Variants in EIF4G3 observed in about 807,000 individuals in gnomAD.
The protein encoded by EIF4G3 is eIF-4-gamma 3.
In EIF4G3, 34 loss-of-function variants were observed where a neutral mutation model predicts 186.4. The observed-to-expected ratio is 0.18, with a 90% CI of 0.14 to 0.24. The LOEUF (loss-of-function observed/expected upper bound fraction) is 0.24, where lower values mean the gene tolerates loss of function less well. EIF4G3 is among the 10% of genes least tolerant of loss of function. The probability of loss-of-function intolerance (pLI) is 1.00; values close to 1 mark genes in which losing one functional copy is unlikely to be tolerated. For missense variants in EIF4G3, 1,536 were observed against 1,948.5 expected (o/e 0.79, Z 3.99); for synonymous variants, 673 against 679.5 (o/e 0.99, Z 0.15).
intron 14 of EIF4G3, among the ~76,000 whole-genome samples, chr1:20,939,236 T>C (rs780744838): frequency 1.3e-5 from 2 of 149,246 alleles, no homozygotes; most frequent in Non-Finnish European, 3.0e-5. Context: ...CTTAAACACA[T>C]AGGTTAAAAA....
At chr1:20,975,058 T>C (rs2076584424) in intron 10 of EIF4G3, among the ~76,000 whole-genome samples, 1 of 152,036 alleles carries the variant, frequency 6.6e-6, no homozygotes, top group African/African-American at 2.4e-5. Flanking sequence ...CAGAATTCTG[T>C]AGGTATCAAT....
intron 19 of EIF4G3, among the ~76,000 whole-genome samples, chr1:20,880,334 T>G (rs1314073529): frequency 6.6e-6 from 1 of 152,216 alleles, no homozygotes; most frequent in Non-Finnish European, 1.5e-5. Context: ...GTCTAGCAAT[T>G]GTAGGATACA....
chr1:20,811,445 T>C (rs991576452), intron 35 of EIF4G3, among the ~76,000 whole-genome samples: 1 of 152,152 alleles, frequency 6.6e-6, no homozygotes, highest in Non-Finnish European at 1.5e-5. Flanking sequence ...AAAGGACCCA[T>C]ATGGCTCTAC....
chr1:20,939,457 T>G (rs1306050424), intron 14 of EIF4G3, among the ~76,000 whole-genome samples: 2 of 152,216 alleles, frequency 1.3e-5, no homozygotes, highest in African/African-American at 2.4e-5. Flanking sequence ...GTATGAACAT[T>G]ATTTAAACCA....
chr1:20,864,969 A>C, intron 21 of EIF4G3, 147 bp downstream of exon 21: 7 of 926,686 alleles, frequency 7.6e-6, no homozygotes, highest in Non-Finnish European at 1.1e-5. Context: ...GCATTCCCCT[A>C]AACATTAATA....
intron 2 of EIF4G3, among the ~76,000 whole-genome samples, chr1:21,168,469 C>T (rs1255512841): frequency 6.6e-6 from 1 of 151,928 alleles, no homozygotes; most frequent in African/African-American, 2.4e-5. Flanking sequence ...TTCACCCAGG[C>T]TGGTGTGCAA....
At chr1:21,045,784 C>A (rs931603924) in intron 4 of EIF4G3, among the ~76,000 whole-genome samples, 40 of 151,120 alleles carry the variant, frequency 2.6e-4, no homozygotes, top group Admixed American at 1.3e-3. Flanking sequence ...TTAAATAATT[C>A]AAACTTCTCT....
At chr1:21,089,340 C>T (rs2096103225) in intron 2 of EIF4G3, 127 bp from the exon 3 acceptor site, 1 of 602,070 alleles carries the variant, frequency 1.7e-6, no homozygotes, top group African/African-American at 1.9e-5. Context: ...TATACTTCTC[C>T]ACTAAAACTA....
chr1:20,989,620 A>T (rs915709199), intron 7 of EIF4G3, among the ~76,000 whole-genome samples: 1 of 151,118 alleles, frequency 6.6e-6, no homozygotes, highest in African/African-American at 2.4e-5. Flanking sequence ...TATCATGAGA[A>T]TCTCATGATA....
chr1:21,076,258 T>G (rs1026982704), intron 3 of EIF4G3, among the ~76,000 whole-genome samples: 2 of 152,046 alleles, frequency 1.3e-5, no homozygotes, highest in African/African-American at 4.8e-5. Context: ...AATGGATCAA[T>G]GAAGAAATGA....
At position 20,864,550 on chromosome 1, in the gene EIF4G3, C is replaced by T; in HGVS notation, c.2932G>A (p.Asp978Asn). ...CACAGGCACTCCAGGGATTCTTCAT[C>T]ATGGTTCTTTAGCAGCTTCACCACA... ...DCVVKLLKNH[D>N]EESLECLCRL... The change falls in exon 22 of 37, where the codon GAT becomes AAT. Residue 978 changes from aspartate to asparagine, a missense_variant. By Grantham distance (23) the Asp-to-Asn change is conservative. Transcript: ENST00000602326. The T allele has an allele frequency of 6.2e-7, 1 of 1,614,188 alleles. No homozygotes were observed. The highest frequency in any genetic ancestry group is 8.5e-7 in the Non-Finnish European group (1 of 1,180,022).
intron 3 of EIF4G3, among the ~76,000 whole-genome samples, chr1:21,072,989 A>G (rs1399500885): frequency 6.6e-6 from 1 of 152,136 alleles, no homozygotes; most frequent in Non-Finnish European, 1.5e-5. Context: ...CATTTTACTC[A>G]TGAGGAAGGA....
intron 34 of EIF4G3, among the ~76,000 whole-genome samples, chr1:20,816,380 C>A (rs2060903163): frequency 8.4e-6 from 1 of 119,686 alleles, no homozygotes; most frequent in Non-Finnish European, 1.8e-5. Flanking sequence ...GGGGGTCAGC[C>A]CCCCGCCCGG....
chr1:21,128,622 CCTTCATTTCTGTATAATGCT>C (rs1262518161), intron 2 of EIF4G3, among the ~76,000 whole-genome samples: 8 of 152,236 alleles, frequency 5.3e-5, no homozygotes, highest in African/African-American at 1.9e-4. Context: ...GGTTCTTTGG[CCTTCATTTCTGTATAATGCT>C]CATGGCTCTA....
chr1:21,065,107 A>G (rs564742964), intron 3 of EIF4G3: 1 of 152,340 alleles, frequency 6.6e-6, no homozygotes, highest in South Asian at 2.1e-4. Context: ...TAACTGATCC[A>G]AGGTAAGTGA....
At chr1:21,114,858 A>G (rs2102255212) in intron 2 of EIF4G3, among the ~76,000 whole-genome samples, 1 of 152,304 alleles carries the variant, frequency 6.6e-6, no homozygotes, top group East Asian at 1.9e-4. Flanking sequence ...GATTTGTGCT[A>G]AGGTGCCAGC....
At chr1:21,016,751 T>C (rs1431333347) in intron 4 of EIF4G3, among the ~76,000 whole-genome samples, 2 of 151,908 alleles carry the variant, frequency 1.3e-5, no homozygotes, top group African/African-American at 2.4e-5. Flanking sequence ...GTTCAAGACC[T>C]GAGGTCAGGA....
rs148367228 is a variant in EIF4G3 at position 20,886,486 on chromosome 1, C to G, written c.2254-115G>C. On this transcript the variant is annotated intron_variant, in intron 18 of 36. Coordinates refer to ENST00000602326, the MANE Select transcript of EIF4G3 (RefSeq NM_001391906.1). Reference sequence around the variant, plus strand: ...CAATGCTAGATGCAAAGATTGGGTACTAGGTACTCAAACTGGAGGTAATCT... The same window carrying G: ...CAATGCTAGATGCAAAGATTGGGTAGTAGGTACTCAAACTGGAGGTAATCT... 2.4e-5 allele frequency: 23 copies of G among 946,260 alleles called. No homozygotes were observed. In the East Asian group the frequency reaches 5.8e-4, roughly 24 times the overall value. 58.6% of individuals were successfully genotyped at this position (946,260 alleles called of 1,614,324 possible).
intron 2 of EIF4G3, among the ~76,000 whole-genome samples, chr1:21,108,706 C>T (rs1572672610): frequency 6.7e-6 from 1 of 150,258 alleles, no homozygotes; most frequent in Middle Eastern, 3.5e-3. Context: ...GTGTTCGAGA[C>T]CAGTCTGGCC....
Sources: gnomAD v4.1 joint callset for allele counts (sites outside exome capture counted in the v4.1 genomes callset) on GRCh38, gnomAD v4.1.1 for gene constraint, MANE v1.5 for transcripts, NCBI Gene and HGNC (gene_info 2026-07-23, HGNC 2026-07-21) for gene names.